TMC6: variants seen among roughly 807,000 people sequenced by gnomAD.
TMC6 encodes the protein transmembrane channel like 6, also known as transmembrane channel-like protein 6.
TMC6 carries 71 observed loss-of-function variants against 95.4 expected under a neutral mutation model. The observed-to-expected ratio is 0.74, with a 90% CI of 0.61 to 0.91. TMC6 has a LOEUF of 0.91. Among genes scored for constraint, TMC6 ranks in the 40% least tolerant of loss-of-function variants. TMC6 has a pLI of 0.00. For missense variants in TMC6, 1,074 were observed against 1,079.1 expected, an observed-to-expected ratio of 1.00 and a Z score of 0.07; for synonymous variants, 514 against 483.1, an observed-to-expected ratio of 1.06 and a Z score of -0.84.
rs760549150 is a variant in TMC6, at chr17:78,126,346, A to G, written c.202T>C (p.Trp68Arg). The change falls in exon 4 of 20, where the codon TGG (tryptophan) becomes CGG (arginine). Residue 68 changes from tryptophan (W) to arginine (R), a missense_variant. Coordinates refer to ENST00000590602, the MANE Select transcript of TMC6 (RefSeq NM_001127198.5). ...EVTGSSQQTLWRPEGTQSTAT... is the reference protein window; with the variant it reads ...EVTGSSQQTLRRPEGTQSTAT... The stretch of plus-strand genomic sequence containing the variant: ...GTGCTCTGGGTGCCCTCGGGCCGCC[A>G]GAGTGTCTGCTGGCTACTTCCTACA... The G allele has an allele frequency of 6.3e-7, 1 of 1,585,908 alleles. No individual in the cohort carries two copies. The highest frequency in any genetic ancestry group is 1.7e-5 in the Admixed American group (1 of 57,152).
Position 78,112,974 on chromosome 17 carries a change from C to G in TMC6, c.*174G>C. Reference sequence around the variant, plus strand: ...ATAGAGTCCCAGGCAGGGCAGAGTTCATTGGGGATGCCCAAGCCGGATTCA... The same window carrying G: ...ATAGAGTCCCAGGCAGGGCAGAGTTGATTGGGGATGCCCAAGCCGGATTCA... On this transcript the variant is annotated 3_prime_UTR_variant, in exon 20 of 20. Transcript: ENST00000590602. 1.4e-6 allele frequency: 1 copy of G among 691,780 alleles called. No homozygotes were observed. The highest frequency in any genetic ancestry group is 2.5e-6 in the Non-Finnish European group (1 of 398,668). The allele number at this position is 691,780 out of a possible 1,614,324, so 42.9% of individuals were successfully genotyped here.
chr17:78,128,570 C>G lies in TMC6; in HGVS notation c.-75+42G>C, dbSNP rs959207700. On this transcript the variant is annotated intron_variant, in intron 1 of 19. Coordinates refer to ENST00000590602, the MANE Select transcript of TMC6 (RefSeq NM_001127198.5). This position sits in a 1 kb window ranked among gnomAD's most constrained non-coding sequence, Gnocchi z 4.0. ...CGCTGTCCCCGCATAGGAGAAGCAG[C>G]TGGGGCTGGCGGGACCCGGGACCGG... 1 of 152,394 alleles carries G rather than the reference C, an allele frequency of 6.6e-6. No individual in the cohort carries two copies. The highest frequency in any genetic ancestry group is 1.5e-5 in the Non-Finnish European group (1 of 68,190). 9.4% of individuals were successfully genotyped at this position (152,394 alleles called of 1,614,324 possible).
intron 12 of TMC6, 37 bp downstream of exon 12, chr17:78,120,976 C>G: frequency 1.2e-6 from 2 of 1,613,134 alleles, no homozygotes; most frequent in Non-Finnish European, 1.7e-6. Context: ...AGTATCAGCT[C>G]CAGCACCAAA....
At chr17:78,132,075 C>T (rs1236841360), upstream of TMC6, 2 of 1,534,582 alleles carry the variant, frequency 1.3e-6, no homozygotes, top group Non-Finnish European at 1.7e-6. Flanking sequence ...TCTCTGGAGC[C>T]CCACTGCCCA....
Position 78,117,301 on chromosome 17 carries a change from C to T in TMC6, c.2245G>A (p.Val749Ile). The T allele has an allele frequency of 6.2e-7, 1 of 1,613,442 alleles. No homozygotes were observed. The highest frequency in any genetic ancestry group is 2.2e-5 in the East Asian group (1 of 44,854). ...NIQVVRGQRK[V>I]ICLLKEQISN... ...ATCTGCTCCTTGAGCAGGCAGATGA[C>T]CTTGCGCTGGCCCCGCACCACCTGG... Residue 749 changes from valine to isoleucine, a missense_variant, in exon 18 of 20, where the codon GTC (valine) becomes ATC (isoleucine). Physicochemically the swap from Val to Ile is conservative, Grantham distance 29 (BLOSUM62 3). Coordinates refer to ENST00000590602, the MANE Select transcript of TMC6 (RefSeq NM_001127198.5).
chr17:78,115,987 C>G (rs73374937), intron 18 of TMC6, among the ~76,000 whole-genome samples: 1 of 147,878 alleles, frequency 6.8e-6, no homozygotes, highest in African/African-American at 2.6e-5. Context: ...GTATGGGGTC[C>G]GACCCCCTTC....
intron 9 of TMC6, among the ~76,000 whole-genome samples, chr17:78,123,462 GATGA>G (rs1206654093): frequency 2.6e-5 from 4 of 151,614 alleles, no homozygotes; most frequent in Admixed American, 6.6e-5. Context: ...TGGATGCGTG[GATGA>G]ATGAGTGGGT....
In TMC6 at chr17:78,112,982, A is replaced by G; in HGVS notation, c.*166T>C. 2.8e-6 allele frequency: 2 copies of G among 724,664 alleles called. No homozygotes were observed. Among genetic ancestry groups the G allele is most frequent in the Non-Finnish European group, 4.7e-6 (2 of 426,956 alleles). The allele number at this position is 724,664 out of a possible 1,614,324, so 44.9% of individuals were successfully genotyped here. On this transcript the variant is annotated 3_prime_UTR_variant, in exon 20 of 20. Coordinates refer to ENST00000590602, the MANE Select transcript of TMC6 (RefSeq NM_001127198.5). ...CCAGGCAGGGCAGAGTTCATTGGGGATGCCCAAGCCGGATTCACCCACCCT... is the reference window on the plus strand; with the variant it reads ...CCAGGCAGGGCAGAGTTCATTGGGGGTGCCCAAGCCGGATTCACCCACCCT...
chr17:78,121,229 G>C lies in TMC6; in HGVS notation c.1384-65C>G. 1 of 1,542,960 alleles carries C rather than the reference G, an allele frequency of 6.5e-7. No individual in the cohort carries two copies. The highest frequency in any genetic ancestry group is 8.7e-7 in the Non-Finnish European group (1 of 1,147,244). On this transcript the variant is annotated intron_variant, in intron 11 of 19. Coordinates refer to ENST00000590602, the MANE Select transcript of TMC6 (RefSeq NM_001127198.5). This position sits in a 1 kb window ranked among gnomAD's most constrained non-coding sequence, Gnocchi z 5.6. ...TCCATGGTGGGAGCGGGCAGCTACAGGGAAGGGCCCGGGGTGGAACTGGCA... is the reference window on the plus strand; with the variant it reads ...TCCATGGTGGGAGCGGGCAGCTACACGGAAGGGCCCGGGGTGGAACTGGCA...
At chr17:78,131,883 C>T (rs2074993457), upstream of TMC6, 2 of 1,458,690 alleles carry the variant, frequency 1.4e-6, no homozygotes, top group African/African-American at 1.4e-5. Flanking sequence ...CCCGTCCAGG[C>T]AGCTGCGGGA....
chr17:78,127,264 T>A (rs2145441565), intron 1 of TMC6, among the ~76,000 whole-genome samples: 1 of 152,204 alleles, frequency 6.6e-6, no homozygotes, highest in African/African-American at 2.4e-5. Context: ...CAGAGACACC[T>A]CCTTTTTGGA....
chr17:78,127,360 G>A (rs1438446669), intron 1 of TMC6, among the ~76,000 whole-genome samples: 1 of 152,122 alleles, frequency 6.6e-6, no homozygotes, highest in African/African-American at 2.4e-5. Flanking sequence ...TTAGCTGCTG[G>A]AGCCCTCACC....
At position 78,113,793 on chromosome 17, in the gene TMC6, A is replaced by T. The variant is rs117228521; in HGVS notation, c.2278-169T>A. The T allele has an allele frequency of 5.6e-4, 398 of 710,986 alleles. 4 individuals are homozygous for T. In the East Asian group the frequency reaches 0.011, roughly 19 times the overall value. The allele number at this position is 710,986 out of a possible 1,614,324, so 44.0% of individuals were successfully genotyped here. The stretch of plus-strand genomic sequence containing the variant: ...GGCCACCAAACAAGGACAAGGAAAA[A>T]CCAAGAGCCAGGAAGTGGGCGTATG... On this transcript the variant is annotated intron_variant, in intron 18 of 19. Coordinates refer to ENST00000590602, the MANE Select transcript of TMC6 (RefSeq NM_001127198.5).
upstream of TMC6, chr17:78,131,428 G>A: frequency 1.0e-6 from 1 of 996,382 alleles, no homozygotes; most frequent in Non-Finnish European, 1.5e-6. Context: ...TAGGGCTGCA[G>A]GAGCCCAGGC....
intron 13 of TMC6, chr17:78,119,825 T>G: frequency 2.7e-6 from 1 of 367,434 alleles, no homozygotes; most frequent in Non-Finnish European, 5.2e-6. Flanking sequence ...TTATTTTTAT[T>G]TCTTTAGAGA....
Position 78,124,604 on chromosome 17 carries a change from T to G in TMC6, c.811A>C (p.Met271Leu). Residue 271 changes from methionine (M) to leucine (L), a missense_variant, in exon 8 of 20, where the codon ATG becomes CTG. Met to Leu is a conservative substitution (Grantham distance 15, BLOSUM62 2). Transcript: ENST00000590602. ...LLLLLLVAFI[M>L]GPQVAFPPAL... ...GGTGGGAAGGCGACCTGAGGGCCCA[T>G]GATGAAGGCCACCAGCAGCAGCAGC... The G allele has an allele frequency of 6.2e-7, 1 of 1,612,342 alleles. No individual in the cohort carries two copies. Among genetic ancestry groups the G allele is most frequent in the Non-Finnish European group, 8.5e-7 (1 of 1,179,820 alleles).
rs1468683875 is a variant in TMC6, at chr17:78,111,782, T to G, written c.*1366A>C. 5.0e-6 allele frequency: 1 copy of G among 200,736 alleles called. No homozygotes were observed. The highest frequency in any genetic ancestry group is 1.0e-5 in the Non-Finnish European group (1 of 96,636). 12.4% of individuals were successfully genotyped at this position (200,736 alleles called of 1,614,324 possible). ...GACCCTTTTCTGGGCCCATCGCTCT[T>G]TGACCATTTCCCCACCTGGGTTCAT... On this transcript the variant is annotated 3_prime_UTR_variant, in exon 20 of 20. Transcript: ENST00000590602.
rs762521552 is a variant in TMC6, at chr17:78,122,721, G to C, written c.1111C>G (p.Arg371Gly). 5 of 1,610,952 alleles carry C rather than the reference G, an allele frequency of 3.1e-6. No individual in the cohort carries two copies. Among genetic ancestry groups the C allele is most frequent in the Non-Finnish European group, 4.2e-6 (5 of 1,179,180 alleles). ...TGGATGCCAGAGGTGCTGCCCACCC[G>C]GTAGCTCTCCCCGAAAGAGTGAGCC... Reference protein sequence around the residue: ...SMAHSFGESYRVGSTSGIHAI... With the variant: ...SMAHSFGESYGVGSTSGIHAI... Residue 371 changes from arginine (R) to glycine (G), a missense_variant, in exon 10 of 20, where the codon CGG becomes GGG. Coordinates refer to ENST00000590602, the MANE Select transcript of TMC6 (RefSeq NM_001127198.5). The surrounding 1 kb of genome is among the most constrained non-coding windows in gnomAD (Gnocchi z 4.9).
upstream of TMC6, chr17:78,130,891 A>C (rs1568010137): frequency 6.4e-6 from 1 of 156,070 alleles, no homozygotes; most frequent in Non-Finnish European, 1.4e-5. Flanking sequence ...GCAGAGGGTG[A>C]GGGGCTGTGG....
Sources: gnomAD v4.1 joint callset for allele counts (sites outside exome capture counted in the v4.1 genomes callset) on GRCh38, gnomAD v4.1.1 for gene constraint, Gnocchi (gnomAD v3.1) non-coding constraint, MANE v1.5 for transcripts, NCBI Gene and HGNC (gene_info 2026-07-23, HGNC 2026-07-21) for gene names.